Variants in CDH13 observed in about 807,000 individuals in gnomAD.
CDH13 encodes cadherin-13.
A neutral mutation model predicts 63.8 loss-of-function variants in CDH13; 24 were observed. That is an observed-to-expected ratio of 0.38 (90% CI 0.27 to 0.53). CDH13 has a LOEUF of 0.53. Among genes scored for constraint, CDH13 ranks in the 20% least tolerant of loss-of-function variants. CDH13 has a pLI of 0.85. For synonymous variants in CDH13, 503 were observed against 355.3 expected (o/e 1.42, Z -4.67); for missense variants, 1,049 against 903.1 (o/e 1.16, Z -2.07).
At chr16:83,512,073 G>A (rs1049079764) in intron 7 of CDH13, among the ~76,000 whole-genome samples, 9 of 152,228 alleles carry the variant, frequency 5.9e-5, no homozygotes, top group African/African-American at 1.9e-4. Flanking sequence ...TGTAATTCCA[G>A]CACTTTGGGA....
At chr16:82,890,532 C>G (rs2041043343) in intron 2 of CDH13, among the ~76,000 whole-genome samples, 1 of 152,056 alleles carries the variant, frequency 6.6e-6, no homozygotes, top group African/African-American at 2.4e-5. Flanking sequence ...ATTATTCCAT[C>G]AGGATAGTAA....
Position 83,302,811 on chromosome 16 carries a change from C to T in CDH13, c.637-42051C>T, listed in dbSNP as rs183772051. On this transcript the variant is annotated intron_variant, in intron 5 of 13. Transcript: ENST00000567109. ...AGTGGGAATGTCAGAGCAGGTGACA[C>T]AGTGAGGTTGCTTTAGCTTCATGTG... 5.7e-3 allele frequency among the ~76,000 whole-genome samples: 865 copies of T among 152,322 alleles called. 3 individuals are homozygous for T. The highest frequency in any genetic ancestry group is 0.014 in the Middle Eastern group (4 of 294).
chr16:83,746,868 C>G (rs1912633166), intron 10 of CDH13, among the ~76,000 whole-genome samples: 1 of 152,146 alleles, frequency 6.6e-6, no homozygotes, highest in Non-Finnish European at 1.5e-5. Flanking sequence ...CTCTATGCAT[C>G]TATATTGTTT....
At chr16:83,474,396 T>C (rs1424675855) in intron 6 of CDH13, among the ~76,000 whole-genome samples, 1 of 152,130 alleles carries the variant, frequency 6.6e-6, no homozygotes, top group Admixed American at 6.5e-5. Context: ...CTTCTATCAT[T>C]CCAAGGATTC....
intron 3 of CDH13, among the ~76,000 whole-genome samples, chr16:83,050,490 T>C (rs2030189594): frequency 6.6e-6 from 1 of 152,216 alleles, no homozygotes; most frequent in African/African-American, 2.4e-5. Flanking sequence ...TCTTTCTGTA[T>C]AGAAACCCAT....
intron 1 of CDH13, among the ~76,000 whole-genome samples, chr16:82,783,302 G>C (rs538875331): frequency 2.6e-5 from 4 of 152,332 alleles, no homozygotes. Context: ...CTAGCAGGGA[G>C]GGGAGGGGTC....
At chr16:82,849,606 G>A (rs778806398) in intron 1 of CDH13, among the ~76,000 whole-genome samples, 23 of 152,292 alleles carry the variant, frequency 1.5e-4, no homozygotes, top group African/African-American at 2.9e-4. Context: ...TGATGAAGGC[G>A]GATACATTAA....
At chr16:83,588,820 C>G (rs577406731) in intron 7 of CDH13, among the ~76,000 whole-genome samples, 81 of 152,250 alleles carry the variant, frequency 5.3e-4, no homozygotes, top group African/African-American at 1.8e-3. Context: ...GGAAGGCAGG[C>G]CCCCTGGGAA....
At chr16:83,752,423 T>A (rs1165879123) in intron 11 of CDH13, among the ~76,000 whole-genome samples, 1 of 152,228 alleles carries the variant, frequency 6.6e-6, no homozygotes, top group African/African-American at 2.4e-5. Context: ...CCAAATTTAG[T>A]TGGCTTTCTA....
At chr16:83,602,193 A>G (rs1253031137) in intron 7 of CDH13, among the ~76,000 whole-genome samples, 3 of 146,610 alleles carry the variant, frequency 2.0e-5, no homozygotes, top group African/African-American at 7.7e-5. Context: ...ATTCTGTGAT[A>G]TATCAAATGT....
At chr16:83,152,359 A>C (rs747123048) in intron 4 of CDH13, among the ~76,000 whole-genome samples, 1 of 152,242 alleles carries the variant, frequency 6.6e-6, no homozygotes, top group Non-Finnish European at 1.5e-5. Flanking sequence ...TTTTAAACAT[A>C]TAGAAAAATG....
intron 1 of CDH13, among the ~76,000 whole-genome samples, chr16:82,732,591 T>A (rs936080387): frequency 5.3e-5 from 8 of 152,348 alleles, no homozygotes; most frequent in African/African-American, 1.7e-4. Flanking sequence ...TTATCCCTCT[T>A]ATTCTTGCTC....
chr16:83,205,132 G>T (rs2039143868), intron 4 of CDH13, among the ~76,000 whole-genome samples: 1 of 152,148 alleles, frequency 6.6e-6, no homozygotes, highest in Non-Finnish European at 1.5e-5. Context: ...GGAGATCCAG[G>T]GTTTTCACCA....
At chr16:83,113,769 G>T (rs56822392) in intron 3 of CDH13, among the ~76,000 whole-genome samples, 3,181 of 152,298 alleles carry the variant, frequency 0.021, 111 homozygotes, top group African/African-American at 0.073. Context: ...GTCACAAGGT[G>T]AGAAGCCCTC....
chr16:83,745,336 C>T, intron 10 of CDH13, among the ~76,000 whole-genome samples: 1 of 152,160 alleles, frequency 6.6e-6, no homozygotes, highest in Non-Finnish European at 1.5e-5. Flanking sequence ...ATTCTCAGGT[C>T]AGTTCACATG....
In CDH13 at chr16:83,716,367, T is replaced by C. The variant is rs1908899682; in HGVS notation, c.1539-31741T>C. On this transcript the variant is annotated intron_variant, in intron 10 of 13. Transcript: ENST00000567109. ...ATGTATAACAGCATGCATCCACCAT[T>C]GTAATACCATGCAGAGTAGTTTCAG... 1.3e-5 allele frequency among the ~76,000 whole-genome samples: 2 copies of C among 152,334 alleles called. 1 individual carries two copies.
chr16:83,019,637 A>T (rs1306505768), intron 2 of CDH13, among the ~76,000 whole-genome samples: 1 of 151,480 alleles, frequency 6.6e-6, no homozygotes, highest in African/African-American at 2.4e-5. Context: ...TTGGGACCAC[A>T]GGCACCAGCC....
chr16:83,537,332 C>T (rs899321646), intron 7 of CDH13, among the ~76,000 whole-genome samples: 1 of 152,204 alleles, frequency 6.6e-6, no homozygotes, highest in Admixed American at 6.5e-5. Flanking sequence ...TGCTATATTT[C>T]TTTCCATGGC....
intron 2 of CDH13, among the ~76,000 whole-genome samples, chr16:82,898,240 C>A (rs954407231): frequency 1.2e-4 from 19 of 152,232 alleles, no homozygotes; most frequent in African/African-American, 4.3e-4. Flanking sequence ...TAAAAATGAA[C>A]ATGGCCGGGC....
Sources: allele counts gnomAD v4.1 joint callset (sites outside exome capture counted in the v4.1 genomes callset), GRCh38; gene constraint gnomAD v4.1.1; transcripts MANE v1.5; gene names NCBI Gene and HGNC (gene_info 2026-07-23, HGNC 2026-07-21).